Variants in STK38 observed in about 807,000 individuals in gnomAD.
STK38 encodes serine/threonine kinase 38.
A neutral mutation model predicts 59.0 loss-of-function variants in STK38; 26 were observed. That is an observed-to-expected ratio of 0.44 (90% CI 0.32 to 0.61). STK38 has a LOEUF of 0.61. Ranked by LOEUF, STK38 falls within the 20% of genes least tolerant of loss-of-function variation. The pLI is 0.04. For missense variants in STK38, 433 were observed against 566.0 expected (o/e 0.76, Z 2.38); for synonymous variants, 175 against 176.6 (o/e 0.99, Z 0.07).
At chr6:36,501,609 G>C (rs1289466962) in intron 9 of STK38, among the ~76,000 whole-genome samples, 1 of 142,142 alleles carries the variant, frequency 7.0e-6, no homozygotes, top group Non-Finnish European at 1.5e-5. Context: ...ATTTTTAGTA[G>C]AGACAGGGTT....
intron 7 of STK38, among the ~76,000 whole-genome samples, chr6:36,513,317 C>CT (rs775876993): frequency 0.013 from 1,574 of 117,884 alleles, 27 homozygotes; most frequent in African/African-American, 0.033. Flanking sequence ...TGCGTCTGGC[C>CT]TTTTTTTTTT....
chr6:36,522,743 T>C (rs1777408747), intron 4 of STK38, among the ~76,000 whole-genome samples: 1 of 149,584 alleles, frequency 6.7e-6, no homozygotes, highest in Non-Finnish European at 1.5e-5. Flanking sequence ...GTAATCCCAG[T>C]TATTCGGGAG....
At chr6:36,506,794 A>G in intron 8 of STK38, 150 bp from the exon 9 acceptor site, 1 of 672,734 alleles carries the variant, frequency 1.5e-6, no homozygotes, top group East Asian at 2.8e-5. Context: ...ATATCCTAGT[A>G]CGTTTACAGT....
rs1057377872 is a variant in STK38, at chr6:36,505,590, A to G, written c.834+993T>C. 8.5e-5 allele frequency among the ~76,000 whole-genome samples: 13 copies of G among 152,188 alleles called. 1 individual carries two copies. The highest frequency in any genetic ancestry group is 3.1e-4 in the African/African-American group (13 of 41,458). Reference sequence around the variant, plus strand: ...GTACTCTAGAGAACTGTAAATCAGTATTTTACTAGGAATTCTGACTGAAAC... The same window carrying G: ...GTACTCTAGAGAACTGTAAATCAGTGTTTTACTAGGAATTCTGACTGAAAC... On this transcript the variant is annotated intron_variant, in intron 9 of 13. Coordinates refer to ENST00000229812, the MANE Select transcript of STK38 (RefSeq NM_007271.4).
intron 1 of STK38, among the ~76,000 whole-genome samples, chr6:36,546,305 T>C (rs1259223697): frequency 2.6e-5 from 4 of 152,186 alleles, no homozygotes; most frequent in African/African-American, 7.2e-5. Context: ...GGACATGAAA[T>C]GGTTTGCTAT....
At chr6:36,506,315 G>A (rs946229133) in intron 9 of STK38, among the ~76,000 whole-genome samples, 5 of 152,170 alleles carry the variant, frequency 3.3e-5, no homozygotes, top group Admixed American at 3.3e-4. Context: ...GAAAAGGTGG[G>A]GCAGGAAGGA....
At chr6:36,509,967 C>T (rs1264414331) in intron 7 of STK38, among the ~76,000 whole-genome samples, 1 of 152,198 alleles carries the variant, frequency 6.6e-6, no homozygotes, top group Non-Finnish European at 1.5e-5. Context: ...AAAGTACGTG[C>T]TGATTGGTCC....
At chr6:36,496,880 A>C in intron 12 of STK38, 75 bp from the exon 13 acceptor site, 1 of 1,079,310 alleles carries the variant, frequency 9.3e-7, no homozygotes, top group East Asian at 2.5e-5. Context: ...CTTTCTCCAA[A>C]AAAGACCCCT....
At chr6:36,544,194 A>AG (rs1561996643) in intron 1 of STK38, among the ~76,000 whole-genome samples, 1 of 152,206 alleles carries the variant, frequency 6.6e-6, no homozygotes, top group Non-Finnish European at 1.5e-5. Flanking sequence ...TGTGCCAAAA[A>AG]GATCAGTAAA....
chr6:36,506,833 A>C (rs1051442145), intron 8 of STK38, among the ~76,000 whole-genome samples, 189 bp from the exon 9 acceptor site: 1 of 146,846 alleles, frequency 6.8e-6, no homozygotes, highest in Non-Finnish European at 1.5e-5. Context: ...GTAAAGCATT[A>C]ACTTAAAAGA....
intron 2 of STK38, among the ~76,000 whole-genome samples, chr6:36,536,098 A>T (rs1056697726): frequency 6.6e-6 from 1 of 152,212 alleles, no homozygotes; most frequent in Admixed American, 6.5e-5. Flanking sequence ...CAGACAAGGA[A>T]ATCAATGGGA....
At chr6:36,517,020 A>G (rs1777271462) in intron 6 of STK38, among the ~76,000 whole-genome samples, 2 of 152,218 alleles carry the variant, frequency 1.3e-5, no homozygotes, top group South Asian at 4.1e-4. Context: ...TTTCTTTATT[A>G]AAAAGTATTG....
Position 36,512,685 on chromosome 6 carries a change from A to C in STK38, c.669+2653T>G, listed in dbSNP as rs146446618. The stretch of plus-strand genomic sequence containing the variant: ...CTTTCTTCTTTTTTTTTTGAGATGG[A>C]GTCTCGCTCTGTTGGCCAGGCTGGA... On this transcript the variant is annotated intron_variant, in intron 7 of 13. Transcript: ENST00000229812. 2.0e-5 allele frequency among the ~76,000 whole-genome samples: 3 copies of C among 151,794 alleles called. 1 individual carries two copies. The highest frequency in any genetic ancestry group is 1.5e-5 in the Non-Finnish European group (1 of 67,978).
intron 2 of STK38, among the ~76,000 whole-genome samples, chr6:36,532,339 CTTGT>C (rs1398074130): frequency 1.1e-4 from 16 of 150,638 alleles, no homozygotes; most frequent in African/African-American, 3.4e-4. Flanking sequence ...GGTTTTAAAC[CTTGT>C]TTCTCACAAT....
rs138002530 is a variant in STK38 at position 36,524,324 on chromosome 6, G to A, written c.306+17C>T. The A allele has an allele frequency of 1.1e-3, 1,831 of 1,594,590 alleles. 24 individuals are homozygous for A. In the African/African-American group the frequency reaches 0.021, roughly 18 times the overall value. Reference sequence around the variant, plus strand: ...TTTGCAATATTTTTCTACTTGACAAGTAGCTGTGATTTTTACCTCACCAAA... The same window carrying A: ...TTTGCAATATTTTTCTACTTGACAAATAGCTGTGATTTTTACCTCACCAAA... On this transcript the variant is annotated intron_variant, in intron 4 of 13. Coordinates refer to ENST00000229812, the MANE Select transcript of STK38 (RefSeq NM_007271.4).
chr6:36,500,758 C>CA (rs753008721), intron 9 of STK38, among the ~76,000 whole-genome samples: 19,216 of 58,106 alleles, frequency 0.33, 3,021 homozygotes, highest in East Asian at 0.41. Context: ...GACTCTGTCT[C>CA]AAAAAAAAAA....
rs1776798143 is a variant in STK38 at position 36,499,964 on chromosome 6, G to A, written c.861C>T (p.Asp287=). 1 of 1,613,938 alleles carries A rather than the reference G, an allele frequency of 6.2e-7. No homozygotes were observed. Among genetic ancestry groups the A allele is most frequent in the Admixed American group, 1.7e-5 (1 of 60,002 alleles). The change falls in exon 10 of 14, where the codon GAC becomes GAT. Residue 287 remains aspartate (D), a synonymous_variant. Coordinates refer to ENST00000229812, the MANE Select transcript of STK38 (RefSeq NM_007271.4). ...QLAFSTVGTP[D]YIAPEVFMQT... ...GCATGAACACCTCAGGAGCAATGTA[G>A]TCAGGAGTGCCTACTGTGGAGAAGG...
intron 7 of STK38, among the ~76,000 whole-genome samples, chr6:36,512,926 C>T (rs1052644094): frequency 3.9e-5 from 6 of 152,204 alleles, no homozygotes; most frequent in African/African-American, 1.4e-4. Context: ...TACCAAAGAG[C>T]TGGGATTACA....
intron 1 of STK38, among the ~76,000 whole-genome samples, chr6:36,546,177 C>T (rs549544854): frequency 6.6e-6 from 1 of 152,344 alleles, no homozygotes; most frequent in African/African-American, 2.4e-5. Flanking sequence ...TTTTAATATT[C>T]TTCCCCCATT....
Sources: gnomAD v4.1 joint callset for allele counts (sites outside exome capture counted in the v4.1 genomes callset) on GRCh38, gnomAD v4.1.1 for gene constraint, MANE v1.5 for transcripts, NCBI Gene and HGNC (gene_info 2026-07-23, HGNC 2026-07-21) for gene names.